Variants in MTG1 observed in about 807,000 individuals in gnomAD.
The protein encoded by MTG1 is mitochondrial ribosome-associated GTPase 1.
In MTG1, 30 loss-of-function variants were observed where a neutral mutation model predicts 39.5. The observed-to-expected ratio is 0.76, with a 90% CI of 0.57 to 1.03. MTG1 has a LOEUF of 1.03. Ranked by LOEUF, MTG1 falls within the 50% of genes least tolerant of loss-of-function variation. The pLI, the probability that MTG1 is intolerant of heterozygous loss-of-function variation, is 0.00. For missense variants in MTG1, 513 were observed against 447.4 expected (o/e 1.15, Z -1.32); for synonymous variants, 217 against 179.0 (o/e 1.21, Z -1.69).
intron 9 of MTG1, among the ~76,000 whole-genome samples, chr10:133,403,061 G>A (rs1453310374): frequency 7.7e-6 from 1 of 129,814 alleles, no homozygotes; most frequent in Non-Finnish European, 1.6e-5. Flanking sequence ...CTCCTCCTTC[G>A]TGAAATCAAG....
intron 9 of MTG1, among the ~76,000 whole-genome samples, chr10:133,415,012 G>A (rs1227359894): frequency 1.3e-5 from 2 of 152,186 alleles, no homozygotes; most frequent in East Asian, 1.9e-4. Context: ...AAAAAAATAC[G>A]AAAACCAGTC....
chr10:133,401,946 G>A (rs926900861), intron 7 of MTG1: 17 of 617,250 alleles, frequency 2.8e-5, no homozygotes, highest in South Asian at 3.9e-5. Context: ...GGGACCTGAC[G>A]CTTTTATTTA....
chr10:133,398,062 C>A (rs182208952), intron 3 of MTG1, among the ~76,000 whole-genome samples: 1 of 152,130 alleles, frequency 6.6e-6, no homozygotes. Flanking sequence ...AGGTGTGTGT[C>A]TTATGTTTGA....
chr10:133,410,773 A>T (rs1850035331), intron 9 of MTG1, among the ~76,000 whole-genome samples: 1 of 152,198 alleles, frequency 6.6e-6, no homozygotes, highest in Non-Finnish European at 1.5e-5. Context: ...CCCCTCTCTT[A>T]AAAAACAATC....
At chr10:133,406,358 C>G (rs185933459) in intron 9 of MTG1, among the ~76,000 whole-genome samples, 4 of 152,120 alleles carry the variant, frequency 2.6e-5, no homozygotes, top group African/African-American at 9.7e-5. Context: ...GTGGTGCGAT[C>G]ACAGCTCACT....
At chr10:133,397,624 G>A (rs1284005250) in intron 3 of MTG1, among the ~76,000 whole-genome samples, 3 of 151,728 alleles carry the variant, frequency 2.0e-5, no homozygotes, top group African/African-American at 4.8e-5. Flanking sequence ...GACTACAGGC[G>A]CCCGCCACCA....
intron 9 of MTG1, among the ~76,000 whole-genome samples, chr10:133,407,949 C>T (rs896232489): frequency 6.6e-6 from 1 of 152,156 alleles, no homozygotes; most frequent in African/African-American, 2.4e-5. Context: ...ACCTTTTTAT[C>T]AGTTCTAATA....
At chr10:133,403,873 C>A (rs1849926190) in intron 9 of MTG1, among the ~76,000 whole-genome samples, 1 of 152,030 alleles carries the variant, frequency 6.6e-6, no homozygotes, top group Non-Finnish European at 1.5e-5. Context: ...AAGGTAGTTA[C>A]ACTGTTTTAT....
Position 133,421,076 on chromosome 10 carries a change from C to T in MTG1, c.*911C>T, listed in dbSNP as rs2297032. On this transcript the variant is annotated 3_prime_UTR_variant, in exon 11 of 11. Coordinates refer to ENST00000317502, the MANE Select transcript of MTG1 (RefSeq NM_138384.4). ...CCAGGGACATCCTGTGCAGAAGCTC[C>T]GGCTGCCTCTTTGCGGTGGTGGCCT... 34,710 of 152,218 alleles carry T rather than the reference C, an allele frequency of 0.23. 4,188 individuals are homozygous for T. Among genetic ancestry groups the T allele is most frequent in the East Asian group, 0.34 (1,742 of 5,162 alleles). 9.4% of individuals were successfully genotyped at this position (152,218 alleles called of 1,614,324 possible).
At chr10:133,403,584 G>C (rs1265912640) in intron 9 of MTG1, among the ~76,000 whole-genome samples, 2 of 152,218 alleles carry the variant, frequency 1.3e-5, no homozygotes, top group Admixed American at 1.3e-4. Flanking sequence ...TGTGATCCCC[G>C]TGTGTCGTCG....
chr10:133,401,968 A>G (rs1271714981), intron 7 of MTG1, 181 bp from the exon 8 acceptor site: 1 of 637,660 alleles, frequency 1.6e-6, no homozygotes, highest in Non-Finnish European at 2.7e-6. Context: ...TCTCCAAATT[A>G]AGTGGGAATT....
intron 3 of MTG1, among the ~76,000 whole-genome samples, chr10:133,396,893 C>T (rs191796516): frequency 7.0e-4 from 107 of 152,290 alleles, no homozygotes; most frequent in Non-Finnish European, 8.4e-4. Flanking sequence ...GGAAGACGCC[C>T]GTTGCCAAGC....
chr10:133,407,835 G>T lies in MTG1; in HGVS notation c.752+5062G>T, dbSNP rs575104816. Reference sequence around the variant, plus strand: ...TCCGCCTGCCTTGACCTCCCAAAGTGCTGGGATTACAGGCGTGAGCCACCG... The same window carrying T: ...TCCGCCTGCCTTGACCTCCCAAAGTTCTGGGATTACAGGCGTGAGCCACCG... On this transcript the variant is annotated intron_variant, in intron 9 of 10. Coordinates refer to ENST00000317502, the MANE Select transcript of MTG1 (RefSeq NM_138384.4). Among the ~76,000 whole-genome samples, 4 of 152,312 alleles carry T rather than the reference G, an allele frequency of 2.6e-5. No individual in the cohort carries two copies. The South Asian group carries it at 6.2e-4, about 24-fold the overall frequency.
rs753726580 is a variant in MTG1 at position 133,399,669 on chromosome 10, G to A, written c.511+50G>A. 1.9e-6 allele frequency: 3 copies of A among 1,558,692 alleles called. No individual in the cohort carries two copies. In the East Asian group the frequency reaches 6.7e-5, roughly 35 times the overall value. ...CTCAGGAAAGGTACTGGCGCGTGTGGCTGATGTGCTGATGCCACCATCTTT... is the reference window on the plus strand; with the variant it reads ...CTCAGGAAAGGTACTGGCGCGTGTGACTGATGTGCTGATGCCACCATCTTT... On this transcript the variant is annotated intron_variant, in intron 6 of 10. Transcript: ENST00000317502.
At chr10:133,401,788 G>A (rs1849882209) in intron 7 of MTG1, 198 bp downstream of exon 7, 2 of 709,404 alleles carry the variant, frequency 2.8e-6, no homozygotes, top group African/African-American at 1.7e-5. Flanking sequence ...CAAACCTTTG[G>A]GGAAGGCACG....
chr10:133,407,507 G>A (rs961135304), intron 9 of MTG1, among the ~76,000 whole-genome samples: 2 of 150,608 alleles, frequency 1.3e-5, no homozygotes, highest in African/African-American at 4.9e-5. Context: ...CCACTTCTTT[G>A]GTCAGATGTA....
Position 133,398,543 on chromosome 10 carries a change from A to C in MTG1, c.363+28A>C, listed in dbSNP as rs774304377. On this transcript the variant is annotated intron_variant, in intron 4 of 10. Coordinates refer to ENST00000317502, the MANE Select transcript of MTG1 (RefSeq NM_138384.4). ...AGGCTTTTCGTCTGTGCTCTCTCTG[A>C]CGCTTCTGCTTCAGTAGGTTCGAGG... is the stretch of plus-strand genomic sequence containing the variant. 2.5e-6 allele frequency: 4 copies of C among 1,600,534 alleles called. No homozygotes were observed. In the South Asian group the frequency reaches 3.4e-5, roughly 13 times the overall value.
At chr10:133,395,201 C>T (rs141835116) in intron 1 of MTG1, among the ~76,000 whole-genome samples, 287 of 152,266 alleles carry the variant, frequency 1.9e-3, no homozygotes, top group African/African-American at 6.7e-3. Flanking sequence ...CGAGACTATC[C>T]TGGCCAGCAT....
chr10:133,397,700 A>G (rs921046036), intron 3 of MTG1, among the ~76,000 whole-genome samples: 4 of 150,986 alleles, frequency 2.6e-5, no homozygotes, highest in Non-Finnish European at 4.4e-5. Context: ...GGATGGTCTC[A>G]ATCTCCTGAC....
Sources: allele counts gnomAD v4.1 joint callset (sites outside exome capture counted in the v4.1 genomes callset), GRCh38; gene constraint gnomAD v4.1.1; transcripts MANE v1.5; gene names NCBI Gene and HGNC (gene_info 2026-07-23, HGNC 2026-07-21).